The following PTPN14 variants were observed in gnomAD, a reference collection of about 807,000 sequenced individuals.
PTPN14 encodes the protein protein tyrosine phosphatase non-receptor type 14.
A neutral mutation model predicts 126.8 loss-of-function variants in PTPN14; 53 were observed. That is an observed-to-expected ratio of 0.42 (90% confidence interval 0.34 to 0.53). The LOEUF (loss-of-function observed/expected upper bound fraction) is 0.53. PTPN14 is among the 20% of genes least tolerant of loss of function. The pLI is 0.08. For missense variants in PTPN14, 1,257 were observed against 1,552.9 expected (o/e 0.81, Z 3.20); for synonymous variants, 630 against 599.3 (o/e 1.05, Z -0.75).
intron 1 of PTPN14, among the ~76,000 whole-genome samples, chr1:214,514,936 C>G (rs1571637431): frequency 6.6e-6 from 1 of 152,212 alleles, no homozygotes; most frequent in African/African-American, 2.4e-5. Context: ...CTAAGCAGAA[C>G]TTTGTTCGGT....
intron 1 of PTPN14, among the ~76,000 whole-genome samples, chr1:214,544,900 A>C (rs955677998): frequency 3.3e-5 from 5 of 152,006 alleles, no homozygotes; most frequent in Non-Finnish European, 7.4e-5. Flanking sequence ...AGAGAAAAGA[A>C]AGGAAAGGAA....
intron 1 of PTPN14, among the ~76,000 whole-genome samples, chr1:214,510,690 A>G (rs1654951889): frequency 6.6e-6 from 1 of 152,094 alleles, no homozygotes; most frequent in Admixed American, 6.6e-5. Context: ...TGCTCTCAGG[A>G]GGTAAGGCAA....
intron 1 of PTPN14, among the ~76,000 whole-genome samples, chr1:214,502,729 G>C (rs973393019): frequency 6.6e-6 from 1 of 152,016 alleles, no homozygotes; most frequent in Non-Finnish European, 1.5e-5. Context: ...TCAAAATAAA[G>C]ACAGAGTGAT....
intron 10 of PTPN14, among the ~76,000 whole-genome samples, chr1:214,392,321 T>C (rs1263278783): frequency 2.0e-5 from 3 of 152,162 alleles, no homozygotes; most frequent in East Asian, 1.9e-4. Flanking sequence ...AGAAGCAGAA[T>C]TGAGAAACAG....
At chr1:214,399,478 T>C (rs1384327799) in intron 7 of PTPN14, among the ~76,000 whole-genome samples, 2 of 152,232 alleles carry the variant, frequency 1.3e-5, no homozygotes, top group African/African-American at 4.8e-5. Context: ...GTTTTTGTTT[T>C]TTAAATCGTT....
chr1:214,424,705 T>C (rs1276110121), intron 3 of PTPN14, among the ~76,000 whole-genome samples: 2 of 152,108 alleles, frequency 1.3e-5, no homozygotes. Flanking sequence ...CTTTGTTTTA[T>C]TATTTTTTAT....
chr1:214,529,600 T>C (rs1655488962), intron 1 of PTPN14: 1 of 152,088 alleles, frequency 6.6e-6, no homozygotes, highest in African/African-American at 2.4e-5. Context: ...TCAACAAACA[T>C]GTGCTGGGGA....
chr1:214,465,951 C>CTTTTTCTTTTTTTTTTTTTTT (rs1660625365), intron 1 of PTPN14, among the ~76,000 whole-genome samples: 1 of 59,024 alleles, frequency 1.7e-5, no homozygotes, highest in African/African-American at 6.9e-5. Context: ...CAGTTACTTC[C>CTTTTTCTTTTTTTTTTTTTTT]TTTTTTTTTT....
intron 3 of PTPN14, among the ~76,000 whole-genome samples, chr1:214,419,537 T>C (rs1014546892): frequency 1.3e-5 from 2 of 152,124 alleles, no homozygotes; most frequent in African/African-American, 4.8e-5. Context: ...ACTAGAAAAC[T>C]TTCTTCATAA....
intron 1 of PTPN14, among the ~76,000 whole-genome samples, chr1:214,527,896 G>A (rs1196742375): frequency 6.6e-6 from 1 of 152,162 alleles, no homozygotes; most frequent in Non-Finnish European, 1.5e-5. Context: ...AAGATACACA[G>A]AAAGAAGAAT....
chr1:214,448,413 T>G (rs1232078055), intron 3 of PTPN14, among the ~76,000 whole-genome samples: 1 of 151,178 alleles, frequency 6.6e-6, no homozygotes, highest in Non-Finnish European at 1.5e-5. Flanking sequence ...TTTTTTTTTT[T>G]TTGTATTTTT....
At chr1:214,422,872 T>C (rs1325407491) in intron 3 of PTPN14, among the ~76,000 whole-genome samples, 1 of 152,184 alleles carries the variant, frequency 6.6e-6, no homozygotes, top group Admixed American at 6.5e-5. Flanking sequence ...CAACTCTCTG[T>C]CGATGAAGTA....
chr1:214,380,571 TCAAA>T (rs1658449365), intron 13 of PTPN14, among the ~76,000 whole-genome samples: 1 of 152,124 alleles, frequency 6.6e-6, no homozygotes, highest in Non-Finnish European at 1.5e-5. Flanking sequence ...GAACCATCCA[TCAAA>T]CAGACAAGCA....
At chr1:214,426,843 G>A (rs1161166767) in intron 3 of PTPN14, among the ~76,000 whole-genome samples, 1 of 152,214 alleles carries the variant, frequency 6.6e-6, no homozygotes, top group Admixed American at 6.5e-5. Flanking sequence ...GGCAGTCAGT[G>A]GCTGTACGGG....
rs760588849 is a variant in PTPN14, at chr1:214,369,429, G to C, written c.3271+28C>G. On this transcript the variant is annotated intron_variant, in intron 17 of 18. Transcript: ENST00000366956. The stretch of plus-strand genomic sequence containing the variant: ...GACACAGATCATAAAAGTCAGTCAG[G>C]TAGCAGACTGGGAAGAAAAACACTT... The C allele has an allele frequency of 1.3e-5, 21 of 1,584,694 alleles. No individual in the cohort carries two copies. In the South Asian group the frequency reaches 2.3e-4, roughly 18 times the overall value.
intron 3 of PTPN14, among the ~76,000 whole-genome samples, chr1:214,428,253 T>C (rs559911875): frequency 1.3e-5 from 2 of 152,242 alleles, no homozygotes; most frequent in South Asian, 2.1e-4. Context: ...ATGTGGTGTA[T>C]GGGAGAAAGA....
chr1:214,384,418 C>T lies in PTPN14; in HGVS notation c.1437G>A (p.Gln479=). ...GTTGGCTGTACACCAGATCCTCTGG[C>T]TGGTTGTAGGCATGGGTGTTGATAA... The part of the protein sequence containing the change: ...LNIINTHAYN[Q]PEDLVYSQPE... The change falls in exon 13 of 19, where the codon CAG becomes CAA. Residue 479 remains glutamine (Q), a synonymous_variant. Coordinates refer to ENST00000366956, the MANE Select transcript of PTPN14 (RefSeq NM_005401.5). This position sits in a 1 kb window ranked among gnomAD's most constrained non-coding sequence, Gnocchi z 5.3. 1.2e-6 allele frequency: 2 copies of T among 1,614,160 alleles called. No individual in the cohort carries two copies. Among genetic ancestry groups the T allele is most frequent in the Middle Eastern group, 1.6e-4 (1 of 6,062 alleles).
intron 2 of PTPN14, among the ~76,000 whole-genome samples, chr1:214,461,267 G>T (rs959115175): frequency 6.6e-6 from 1 of 152,108 alleles, no homozygotes; most frequent in African/African-American, 2.4e-5. Flanking sequence ...CAAAATTTAT[G>T]ATATACCTAA....
intron 1 of PTPN14, among the ~76,000 whole-genome samples, chr1:214,516,014 G>GCTCTTAATA (rs1655094471): frequency 6.6e-6 from 1 of 152,112 alleles, no homozygotes; most frequent in Non-Finnish European, 1.5e-5. Flanking sequence ...ACTTTTCAAA[G>GCTCTTAATA]CTCTTAATAC....
Sources: allele counts gnomAD v4.1 joint callset (sites outside exome capture counted in the v4.1 genomes callset), GRCh38; gene constraint gnomAD v4.1.1; non-coding constraint Gnocchi (gnomAD v3.1); transcripts MANE v1.5; gene names NCBI Gene and HGNC (gene_info 2026-07-23, HGNC 2026-07-21).